Variants in GALNT13 observed in about 807,000 individuals in gnomAD.
The protein encoded by GALNT13 is polypeptide N-acetylgalactosaminyltransferase 13.
A neutral mutation model predicts 64.2 loss-of-function variants in GALNT13; 28 were observed. The ratio of observed to expected loss-of-function variants is 0.44; its 90% CI spans 0.32 to 0.60. The LOEUF is 0.60. Ranked by LOEUF, GALNT13 falls within the 20% of genes least tolerant of loss-of-function variation. The probability of loss-of-function intolerance (pLI) is 0.05; values close to 1 mark genes in which losing one functional copy is unlikely to be tolerated. For synonymous variants in GALNT13, 214 were observed against 224.6 expected, an observed-to-expected ratio of 0.95 and a Z score of 0.42; for missense variants, 577 against 669.8, an observed-to-expected ratio of 0.86 and a Z score of 1.53.
chr2:153,342,549 T>TATTTGACTTTATCAAACACATTACA, the GALNT13 span, among the ~76,000 whole-genome samples: 2 of 152,274 alleles, frequency 1.3e-5, no homozygotes, highest in Non-Finnish European at 2.9e-5. Flanking sequence ...TTAAAGGAGC[T>TATTTGACTTTATCAAACACATTACA]ATTTGACTTT....
the GALNT13 span, among the ~76,000 whole-genome samples, chr2:153,192,302 G>T: frequency 1.3e-5 from 2 of 151,926 alleles, no homozygotes; most frequent in Non-Finnish European, 2.9e-5. Flanking sequence ...CCCAGTGGTT[G>T]TTCGGGAGTA....
At chr2:153,585,915 CA>C in the GALNT13 span, among the ~76,000 whole-genome samples, 1 of 152,108 alleles carries the variant, frequency 6.6e-6, no homozygotes, top group Non-Finnish European at 1.5e-5. Flanking sequence ...AAGCCTTTCT[CA>C]GATGAGAAAA....
chr2:154,267,030 G>T (rs1489125116), intron 8 of GALNT13, among the ~76,000 whole-genome samples: 1 of 151,930 alleles, frequency 6.6e-6, no homozygotes, highest in Non-Finnish European at 1.5e-5. Flanking sequence ...TGAAAATCTG[G>T]AAATAAACTT....
chr2:153,645,189 T>C, the GALNT13 span, among the ~76,000 whole-genome samples: 10 of 152,152 alleles, frequency 6.6e-5, no homozygotes, highest in Non-Finnish European at 8.8e-5. Flanking sequence ...CTTCATGGCA[T>C]AATGCGCTCT....
the GALNT13 span, among the ~76,000 whole-genome samples, chr2:153,640,766 A>G: frequency 6.6e-6 from 1 of 152,128 alleles, no homozygotes; most frequent in Non-Finnish European, 1.5e-5. Flanking sequence ...TAGGTGAAAG[A>G]GTGAGACTGT....
At chr2:153,257,575 T>C in the GALNT13 span, among the ~76,000 whole-genome samples, 4 of 152,198 alleles carry the variant, frequency 2.6e-5, no homozygotes, top group Non-Finnish European at 4.4e-5. Flanking sequence ...GAAATAATCT[T>C]TTCTGACTTT....
At chr2:154,242,965 G>A (rs1689578847) in intron 6 of GALNT13, 60 bp downstream of exon 6, 1 of 1,312,402 alleles carries the variant, frequency 7.6e-7, no homozygotes, top group Non-Finnish European at 1.1e-6. Flanking sequence ...GACAGTTCCA[G>A]ATGTCCATCA....
the GALNT13 span, among the ~76,000 whole-genome samples, chr2:153,217,693 C>T: frequency 6.6e-6 from 1 of 152,012 alleles, no homozygotes; most frequent in Non-Finnish European, 1.5e-5. Context: ...TGATCTTCAG[C>T]TCTGAAGTTA....
chr2:153,149,774 C>G, the GALNT13 span, among the ~76,000 whole-genome samples: 2 of 151,820 alleles, frequency 1.3e-5, no homozygotes, highest in Non-Finnish European at 2.9e-5. Context: ...TAAATTTTAG[C>G]TGTTAATACG....
the GALNT13 span, among the ~76,000 whole-genome samples, chr2:153,665,251 C>G: frequency 6.6e-6 from 1 of 152,084 alleles, no homozygotes; most frequent in Non-Finnish European, 1.5e-5. Context: ...CAATAACAAC[C>G]CAATATAGGC....
the GALNT13 span, among the ~76,000 whole-genome samples, chr2:153,157,806 G>A: frequency 6.6e-6 from 1 of 152,078 alleles, no homozygotes; most frequent in Non-Finnish European, 1.5e-5. Flanking sequence ...AGAAGATAGA[G>A]AAAATATTGA....
chr2:153,396,777 T>C, the GALNT13 span, among the ~76,000 whole-genome samples: 1 of 152,268 alleles, frequency 6.6e-6, no homozygotes, highest in Non-Finnish European at 1.5e-5. Context: ...GTCTGGATGA[T>C]GTTTTTGTCC....
chr2:153,501,160 A>G, the GALNT13 span, among the ~76,000 whole-genome samples: 1 of 152,166 alleles, frequency 6.6e-6, no homozygotes, highest in Admixed American at 6.5e-5. Context: ...ATAGAATTCC[A>G]GATTACCGTA....
chr2:153,601,058 C>G, the GALNT13 span, among the ~76,000 whole-genome samples: 1 of 151,718 alleles, frequency 6.6e-6, no homozygotes, highest in African/African-American at 2.4e-5. Flanking sequence ...GAAAGAAATT[C>G]AAGACATTAC....
the GALNT13 span, among the ~76,000 whole-genome samples, chr2:153,789,350 T>G: frequency 6.6e-6 from 1 of 151,550 alleles, no homozygotes; most frequent in South Asian, 2.1e-4. Flanking sequence ...TGACTTTTTT[T>G]GGGTAAATAA....
chr2:154,330,732 C>A (rs903354016), intron 9 of GALNT13, among the ~76,000 whole-genome samples: 1 of 152,098 alleles, frequency 6.6e-6, no homozygotes, highest in African/African-American at 2.4e-5. Context: ...ATTCATAGTT[C>A]TAAACCCAAG....
chr2:153,640,391 A>G, the GALNT13 span, among the ~76,000 whole-genome samples: 1 of 152,186 alleles, frequency 6.6e-6, no homozygotes, highest in Non-Finnish European at 1.5e-5. Context: ...TTGTGGAATT[A>G]CAACTGAGCT....
At chr2:154,020,013 T>C (rs1697330913) in intron 3 of GALNT13, among the ~76,000 whole-genome samples, 1 of 152,150 alleles carries the variant, frequency 6.6e-6, no homozygotes, top group Non-Finnish European at 1.5e-5. Flanking sequence ...CATCCATGTC[T>C]CTACAAAGGA....
chr2:153,940,007 T>C (rs149875037), intron 2 of GALNT13, among the ~76,000 whole-genome samples: 139 of 152,284 alleles, frequency 9.1e-4, no homozygotes, highest in African/African-American at 2.9e-3. Flanking sequence ...CTCCTGAGAA[T>C]TGAATTTTAG....
Sources: gnomAD v4.1 joint callset for allele counts (sites outside exome capture counted in the v4.1 genomes callset) on GRCh38, gnomAD v4.1.1 for gene constraint, MANE v1.5 for transcripts, NCBI Gene and HGNC (gene_info 2026-07-23, HGNC 2026-07-21) for gene names.